The following ARID3C variants were observed in gnomAD, a reference collection of about 807,000 sequenced individuals.
The protein encoded by ARID3C is AT-rich interactive domain-containing protein 3C.
Under a neutral mutation model 37.9 loss-of-function variants are expected in ARID3C, and 42 were observed. That is an observed-to-expected ratio of 1.11 (90% CI 0.87 to 1.43). The LOEUF (loss-of-function observed/expected upper bound fraction) is 1.43. ARID3C is among the 40% of genes most tolerant of loss of function. ARID3C has a pLI of 0.00. For missense variants in ARID3C, 581 were observed against 548.8 expected (o/e 1.06, Z -0.59); for synonymous variants, 213 against 228.0 (o/e 0.93, Z 0.59).
intron 4 of ARID3C, among the ~76,000 whole-genome samples, chr9:34,623,158 A>G (rs1484281046): frequency 6.6e-6 from 1 of 150,878 alleles, no homozygotes; most frequent in Non-Finnish European, 1.5e-5. Flanking sequence ...AAAAAAAAAA[A>G]AAAAAGAAAA....
chr9:34,623,374 G>A, intron 4 of ARID3C, 51 bp downstream of exon 5: 3 of 1,456,770 alleles, frequency 2.1e-6, no homozygotes, highest in South Asian at 1.6e-5. Context: ...ATATCTTAGC[G>A]CCCACCTAAA....
chr9:34,621,120 C>T (rs1235320847), downstream of ARID3C, among the ~76,000 whole-genome samples: 1 of 152,166 alleles, frequency 6.6e-6, no homozygotes, highest in Admixed American at 6.5e-5. Flanking sequence ...CCCAACCCAA[C>T]CTTTCACTTG....
chr9:34,622,500 C>CCAG (rs1820589375), exon 5 of ARID3C: 1 of 1,610,210 alleles, frequency 6.2e-7, no homozygotes, highest in Admixed American at 1.7e-5. Flanking sequence ...ACAGGCAGTG[C>CCAG]CAGACAAGGG....
At chr9:34,621,604 G>C (rs1485690038) in intron 6 of ARID3C, 46 bp from the exon 8 acceptor site, 1 of 1,390,514 alleles carries the variant, frequency 7.2e-7, no homozygotes, top group Non-Finnish European at 9.9e-7. Flanking sequence ...ACAAGCAGGA[G>C]GGGGTAGGGT....
At chr9:34,627,867 C>T in exon 1 of ARID3C, 2 of 1,578,654 alleles carry the variant, frequency 1.3e-6, no homozygotes, top group Non-Finnish European at 1.7e-6. Context: ...TCTTCCTCAG[C>T]CCCAACATTC....
rs757382174 is a variant in ARID3C, at chr9:34,623,995, G to T, written c.444C>A (p.Tyr148Ter). ...TGGCGGTCACCAGGCGAAACAGAGC[G>T]TACAGGTCGAGCACCTGCTTCGCCA... Residue 148 changes from tyrosine to a stop codon, truncating the protein, a stop_gained, in exon 3 of 7, where the codon TAC becomes TAA. Coordinates refer to ENST00000378909, the Ensembl canonical transcript of ARID3C. LOFTEE classifies it high-confidence loss of function. The T allele has an allele frequency of 8.1e-6, 13 of 1,602,342 alleles. No individual in the cohort carries two copies. Among genetic ancestry groups the T allele is most frequent in the East Asian group, 4.5e-5 (2 of 44,698 alleles).
At chr9:34,623,566 G>T in exon 4 of ARID3C, 1 of 1,605,904 alleles carries the variant, frequency 6.2e-7, no homozygotes, top group South Asian at 1.1e-5. Flanking sequence ...GCGCCCCGAG[G>T]GGGCGGCCCT....
At chr9:34,631,249 T>C (rs1820720912), upstream of ARID3C, among the ~76,000 whole-genome samples, 2 of 152,092 alleles carry the variant, frequency 1.3e-5, no homozygotes, top group African/African-American at 4.8e-5. Flanking sequence ...TTGGGTTGAA[T>C]GGTAAGGGGC....
chr9:34,628,317 C>T (rs555418926), upstream of ARID3C, among the ~76,000 whole-genome samples: 51 of 151,960 alleles, frequency 3.4e-4, no homozygotes, highest in African/African-American at 1.2e-3. The surrounding 1 kb of genome is among the most constrained non-coding windows in gnomAD (Gnocchi z 5.2). Flanking sequence ...CAAGAGACAT[C>T]GGGAAATGGT....
intron 1 of ARID3C, among the ~76,000 whole-genome samples, chr9:34,626,262 A>G (rs1225462220): frequency 6.6e-6 from 1 of 152,170 alleles, no homozygotes; most frequent in African/African-American, 2.4e-5. Flanking sequence ...CCTGTATGCC[A>G]GGGCTGGGGG....
In ARID3C at chr9:34,624,022, G is replaced by C. The variant is rs142104753; in HGVS notation, c.417C>G (p.Ile139Met). ...ACAGGTCGAGCACCTGCTTCGCCAT[G>C]ATGGGCACGCGGTTCACTGGCGTCC... Residue 139 changes from isoleucine (I) to methionine (M), a missense_variant, in exon 3 of 7, where the codon ATC (isoleucine) becomes ATG (methionine). Ile to Met is a conservative substitution (Grantham distance 10). Coordinates refer to ENST00000378909, the Ensembl canonical transcript of ARID3C. 7.1e-5 allele frequency: 114 copies of C among 1,597,234 alleles called. No homozygotes were observed. The African/African-American group carries it at 1.3e-3, about 18-fold the overall frequency.
chr9:34,623,763 G>A, intron 3 of ARID3C, 49 bp from the exon 5 acceptor site: 1 of 1,502,572 alleles, frequency 6.7e-7, no homozygotes, highest in South Asian at 1.3e-5. Context: ...GCACCCAGCT[G>A]GTCAAGTCCC....
chr9:34,632,502 C>T (rs1587221319), upstream of ARID3C, among the ~76,000 whole-genome samples: 1 of 152,112 alleles, frequency 6.6e-6, no homozygotes, highest in Admixed American at 6.5e-5. Context: ...TGACTGGCTG[C>T]TGCGTGGAGA....
chr9:34,627,589 A>C (rs1417109033), intron 1 of ARID3C, 108 bp downstream of exon 2: 1 of 989,576 alleles, frequency 1.0e-6, no homozygotes, highest in African/African-American at 1.7e-5. Context: ...GTCTCTTTTC[A>C]TCTTGCAGAG....
exon 3 of ARID3C, chr9:34,623,962 G>A: frequency 6.2e-7 from 1 of 1,605,290 alleles, no homozygotes; most frequent in Non-Finnish European, 8.5e-7. Flanking sequence ...CTTCCACCAG[G>A]CCGCCCTTGG....
chr9:34,624,134 G>A (rs1185084717), intron 2 of ARID3C, 87 bp from the exon 4 acceptor site: 3 of 1,438,256 alleles, frequency 2.1e-6, no homozygotes, highest in African/African-American at 2.8e-5. Flanking sequence ...CGGGAGCCCC[G>A]GGGAGGGCGG....
chr9:34,632,499 C>T (rs1483180740), upstream of ARID3C, among the ~76,000 whole-genome samples: 1 of 152,126 alleles, frequency 6.6e-6, no homozygotes, highest in Non-Finnish European at 1.5e-5. Flanking sequence ...GTCTGACTGG[C>T]TGCTGCGTGG....
intron 1 of ARID3C, 38 bp downstream of exon 2, chr9:34,627,659 T>G (rs1316833540): frequency 6.5e-7 from 1 of 1,537,488 alleles, no homozygotes; most frequent in Middle Eastern, 1.8e-4. Context: ...AAGAGAGAGA[T>G]AGGGAAGAGG....
upstream of ARID3C, among the ~76,000 whole-genome samples, chr9:34,631,625 A>C (rs1232693398): frequency 6.6e-6 from 1 of 152,050 alleles, no homozygotes; most frequent in Non-Finnish European, 1.5e-5. Flanking sequence ...GATAGTGGTA[A>C]GTACCATGGA....
Sources: gnomAD v4.1 joint callset for allele counts (sites outside exome capture counted in the v4.1 genomes callset) on GRCh38, gnomAD v4.1.1 for gene constraint, Gnocchi (gnomAD v3.1) non-coding constraint, MANE v1.5 for transcripts, NCBI Gene and HGNC (gene_info 2026-07-23, HGNC 2026-07-21) for gene names.